Variants in GTF2F2 observed in about 807,000 individuals in gnomAD.
GTF2F2 encodes the protein ATP-dependent helicase GTF2F2.
Under a neutral mutation model 42.2 loss-of-function variants are expected in GTF2F2, and 23 were observed. The observed-to-expected ratio is 0.55, with a 90% CI of 0.39 to 0.77. The LOEUF is 0.77. Among genes scored for constraint, GTF2F2 ranks in the 30% least tolerant of loss-of-function variants. The pLI is 0.00. For missense variants in GTF2F2, 261 were observed against 287.2 expected, an observed-to-expected ratio of 0.91 and a Z score of 0.66; for synonymous variants, 105 against 100.8, an observed-to-expected ratio of 1.04 and a Z score of -0.25.
At position 45,164,024 on chromosome 13, in the gene GTF2F2, C is replaced by T. The variant is rs574797251; in HGVS notation, c.304+12193C>T. ...CAAAAATTAGCCAAGTGTGGTGGTG[C>T]GCATCTATAATCCCAGCTCCTCAGC... On this transcript the variant is annotated intron_variant, in intron 4 of 7. Transcript: ENST00000340473. 2.8e-4 allele frequency among the ~76,000 whole-genome samples: 42 copies of T among 151,972 alleles called. 1 individual carries two copies. The highest frequency in any genetic ancestry group is 2.9e-4 in the Non-Finnish European group (20 of 67,944).
chr13:45,253,871 C>G (rs1875979173), intron 6 of GTF2F2, among the ~76,000 whole-genome samples: 1 of 152,046 alleles, frequency 6.6e-6, no homozygotes, highest in Non-Finnish European at 1.5e-5. Flanking sequence ...GTCAGGAGAT[C>G]GAGACCATCC....
At chr13:45,164,921 A>G (rs1448342734) in intron 4 of GTF2F2, among the ~76,000 whole-genome samples, 1 of 152,204 alleles carries the variant, frequency 6.6e-6, no homozygotes. Flanking sequence ...GCCTAGAACC[A>G]TTTTACATTC....
chr13:45,122,724 A>G (rs1038836616), intron 1 of GTF2F2, among the ~76,000 whole-genome samples: 3 of 152,218 alleles, frequency 2.0e-5, no homozygotes, highest in Non-Finnish European at 4.4e-5. Flanking sequence ...ATTGAAGTAC[A>G]TATTGATTTC....
chr13:45,137,306 C>G (rs1869679439), intron 2 of GTF2F2, among the ~76,000 whole-genome samples: 1 of 152,206 alleles, frequency 6.6e-6, no homozygotes, highest in African/African-American at 2.4e-5. Context: ...GCCTCTAAAG[C>G]TCAGCTAGTG....
rs747098650 is a variant in GTF2F2 at position 45,283,507 on chromosome 13, A to G, written c.696A>G (p.Thr232=). The G allele has an allele frequency of 2.5e-6, 4 of 1,612,744 alleles. No individual in the cohort carries two copies. The highest frequency in any genetic ancestry group is 3.4e-6 in the Non-Finnish European group (4 of 1,179,054). Residue 232 remains threonine, a synonymous_variant, in exon 8 of 8, where the codon ACA becomes ACG. Coordinates refer to ENST00000340473, the MANE Select transcript of GTF2F2 (RefSeq NM_004128.3). ...VQNVKGIHKN[T]WELKPEYRHY... ...ATGTAAAAGGGATCCACAAAAACACATGGGAGCTGAAGCCAGAGTACAGAC... is the reference window on the plus strand; with the variant it reads ...ATGTAAAAGGGATCCACAAAAACACGTGGGAGCTGAAGCCAGAGTACAGAC...
chr13:45,222,445 T>G (rs997307954), intron 5 of GTF2F2, among the ~76,000 whole-genome samples: 7 of 152,184 alleles, frequency 4.6e-5, no homozygotes, highest in Non-Finnish European at 8.8e-5. Context: ...TCCAAGTTAA[T>G]TTTAGAATCT....
intron 5 of GTF2F2, among the ~76,000 whole-genome samples, chr13:45,213,041 T>A (rs1475446623): frequency 6.6e-6 from 1 of 151,774 alleles, no homozygotes; most frequent in Non-Finnish European, 1.5e-5. Context: ...CATGCCCGGC[T>A]AATTTTATTT....
At position 45,255,115 on chromosome 13, in the gene GTF2F2, G is replaced by A. The variant is rs550653668; in HGVS notation, c.486+2145G>A. On this transcript the variant is annotated intron_variant, in intron 6 of 7. Coordinates refer to ENST00000340473, the MANE Select transcript of GTF2F2 (RefSeq NM_004128.3). ...CAGGAGGCAGAAGTTGCAGTGAGCCGAGATCACACCATTGCACTCCAGCCT... is the reference window on the plus strand; with the variant it reads ...CAGGAGGCAGAAGTTGCAGTGAGCCAAGATCACACCATTGCACTCCAGCCT... Among the ~76,000 whole-genome samples the A allele has an allele frequency of 2.7e-3, 369 of 137,788 alleles. 1 individual carries two copies. Among genetic ancestry groups the A allele is most frequent in the African/African-American group, 1.2e-3 (44 of 36,428 alleles). 90.4% of individuals were successfully genotyped at this position (137,788 alleles called of 152,430 possible).
At chr13:45,277,866 A>G (rs1255299903) in intron 7 of GTF2F2, among the ~76,000 whole-genome samples, 1 of 152,172 alleles carries the variant, frequency 6.6e-6, no homozygotes, top group Non-Finnish European at 1.5e-5. Flanking sequence ...CATCAGTGTA[A>G]GTTTGCATAT....
At chr13:45,207,349 T>G (rs1873457827) in intron 4 of GTF2F2, 75 bp from the exon 5 acceptor site, 2 of 803,504 alleles carry the variant, frequency 2.5e-6, no homozygotes, top group Non-Finnish European at 4.2e-6. Flanking sequence ...GTCATATTAC[T>G]GTGTTTAGTG....
rs755274273 is a variant in GTF2F2, at chr13:45,136,770, C to T, written c.104C>T (p.Ser35Phe). 1.4e-5 allele frequency: 22 copies of T among 1,601,672 alleles called. No homozygotes were observed. The highest frequency in any genetic ancestry group is 1.9e-5 in the Non-Finnish European group (22 of 1,169,514). The change falls in exon 2 of 8, where the codon TCT becomes TTT. Residue 35 changes from serine (S) to phenylalanine (F), a missense_variant. Transcript: ENST00000340473. ...KYLSQQWAKA[S>F]GRGEVGKLRI... ...TTGTCACAGCAATGGGCTAAAGCCT[C>T]TGGAAGAGGTGAAGTTGGGAAACTG...
At chr13:45,129,028 G>T (rs533006880) in intron 1 of GTF2F2, among the ~76,000 whole-genome samples, 2 of 152,188 alleles carry the variant, frequency 1.3e-5, no homozygotes, top group South Asian at 4.1e-4. Flanking sequence ...CTAAATCGTA[G>T]TCTCCAGTAG....
At chr13:45,222,035 A>C (rs970189715) in intron 5 of GTF2F2, among the ~76,000 whole-genome samples, 15 of 151,992 alleles carry the variant, frequency 9.9e-5, no homozygotes, top group Admixed American at 7.9e-4. Context: ...AATAGTATAG[A>C]CTTCTCCCCA....
chr13:45,209,705 C>G (rs1166730729), intron 5 of GTF2F2, among the ~76,000 whole-genome samples: 1 of 152,160 alleles, frequency 6.6e-6, no homozygotes, highest in Non-Finnish European at 1.5e-5. Context: ...ATCAAACATA[C>G]ATACAAAAGC....
intron 4 of GTF2F2, among the ~76,000 whole-genome samples, chr13:45,178,827 G>C (rs1215109210): frequency 6.6e-6 from 1 of 152,032 alleles, no homozygotes; most frequent in Non-Finnish European, 1.5e-5. Flanking sequence ...TTAAGCTGGG[G>C]GCTCTACTGT....
intron 4 of GTF2F2, among the ~76,000 whole-genome samples, chr13:45,152,450 T>C (rs1309996730): frequency 6.6e-6 from 1 of 152,236 alleles, no homozygotes; most frequent in African/African-American, 2.4e-5. Context: ...AATAGTATTC[T>C]GAATTTTGCC....
intron 6 of GTF2F2, among the ~76,000 whole-genome samples, chr13:45,254,455 T>C (rs1296742027): frequency 1.3e-5 from 2 of 152,212 alleles, no homozygotes; most frequent in Non-Finnish European, 2.9e-5. Context: ...TACACATTTA[T>C]TGCATACATA....
chr13:45,142,584 T>C (rs1427880808), intron 2 of GTF2F2, among the ~76,000 whole-genome samples: 1 of 152,184 alleles, frequency 6.6e-6, no homozygotes, highest in African/African-American at 2.4e-5. Context: ...GTCTAGCAGA[T>C]TTTCTACCTA....
chr13:45,205,720 A>G (rs181463483), intron 4 of GTF2F2, among the ~76,000 whole-genome samples: 3 of 152,210 alleles, frequency 2.0e-5, no homozygotes, highest in Non-Finnish European at 4.4e-5. Flanking sequence ...GGGTTTCACC[A>G]TGTTGGCCAG....
Sources: allele counts gnomAD v4.1 joint callset (sites outside exome capture counted in the v4.1 genomes callset), GRCh38; gene constraint gnomAD v4.1.1; transcripts MANE v1.5; gene names NCBI Gene and HGNC (gene_info 2026-07-23, HGNC 2026-07-21).